FAT3: variants seen among roughly 807,000 people sequenced by gnomAD.
FAT3 encodes FAT atypical cadherin 3, also known as protocadherin Fat 3.
FAT3 carries 95 observed loss-of-function variants against 310.2 expected under a neutral mutation model. The observed-to-expected ratio is 0.31, with a 90% confidence interval of 0.26 to 0.36. The LOEUF is 0.36. Ranked by LOEUF, FAT3 falls within the 10% of genes least tolerant of loss-of-function variation. The pLI, the probability that FAT3 is intolerant of heterozygous loss-of-function variation, is 1.00. For missense variants in FAT3, 5,408 were observed against 5,715.6 expected (o/e 0.95, Z 1.74); for synonymous variants, 2,314 against 2,192.9 (o/e 1.06, Z -1.54).
chr11:92,430,690 G>T (rs1207039067), intron 2 of FAT3, among the ~76,000 whole-genome samples: 1 of 151,966 alleles, frequency 6.6e-6, no homozygotes, highest in Admixed American at 6.6e-5. Flanking sequence ...GCCCTGGTGT[G>T]TGATGTTCCC....
intron 2 of FAT3, among the ~76,000 whole-genome samples, chr11:92,420,668 A>G (rs549599392): frequency 1.4e-4 from 21 of 152,210 alleles, no homozygotes; most frequent in Non-Finnish European, 2.4e-4. Context: ...TTCCAGGACT[A>G]TGGCATCTTG....
At chr11:92,302,139 G>A (rs1156931322) in intron 1 of FAT3, among the ~76,000 whole-genome samples, 1 of 152,072 alleles carries the variant, frequency 6.6e-6, no homozygotes, top group African/African-American at 2.4e-5. Context: ...ACCATAAGGA[G>A]CACATGGTTG....
At chr11:92,430,169 G>C (rs1380676241) in intron 2 of FAT3, among the ~76,000 whole-genome samples, 1 of 152,090 alleles carries the variant, frequency 6.6e-6, no homozygotes, top group Non-Finnish European at 1.5e-5. Flanking sequence ...GATCAATTCA[G>C]CTATTGATAC....
intron 2 of FAT3, among the ~76,000 whole-genome samples, chr11:92,482,030 G>T (rs1952239718): frequency 6.6e-6 from 1 of 151,932 alleles, no homozygotes; most frequent in South Asian, 2.1e-4. Context: ...CATTTAACTT[G>T]CTTACCTAGA....
At chr11:92,872,562 G>T (rs1213926919) in intron 22 of FAT3, among the ~76,000 whole-genome samples, 2 of 152,144 alleles carry the variant, frequency 1.3e-5, no homozygotes, top group Non-Finnish European at 2.9e-5. Context: ...AAAACCTCAT[G>T]GTAACAGCAT....
chr11:92,640,963 T>A (rs1262737003), intron 3 of FAT3, among the ~76,000 whole-genome samples: 4 of 152,082 alleles, frequency 2.6e-5, no homozygotes, highest in African/African-American at 9.7e-5. Flanking sequence ...TCCCAGCACT[T>A]TGGAAGGTGG....
intron 4 of FAT3, among the ~76,000 whole-genome samples, chr11:92,716,577 G>A (rs1277345989): frequency 1.3e-5 from 2 of 152,140 alleles, no homozygotes; most frequent in African/African-American, 4.8e-5. Flanking sequence ...TCTTAACTCT[G>A]CCTGTTGAAG....
chr11:92,286,773 G>A lies in FAT3; in HGVS notation c.-18+61599G>A, dbSNP rs550931915. Among the ~76,000 whole-genome samples the A allele has an allele frequency of 7.9e-5, 12 of 151,704 alleles. No individual in the cohort carries two copies. In the South Asian group the frequency reaches 2.3e-3, roughly 30 times the overall value. On this transcript the variant is annotated intron_variant, in intron 1 of 27. Coordinates refer to ENST00000525166, the MANE Select transcript of FAT3 (RefSeq NM_001367949.2). ...ATTAACGCTTGTGGCATCTGTTAGA[G>A]AAAAGCGACTCCTGGTAGTTTAGAC...
In FAT3 at chr11:92,801,705, C is replaced by A. The variant is rs1019920427; in HGVS notation, c.8692C>A (p.Leu2898Ile). ...TFTFSVVASD[L>I]GEAFSLSSTA... ...CACCTTCTCTGTGGTGGCCTCTGAC[C>A]TTGGAGAGGCATTCTCTCTTTCCTC... The change falls in exon 10 of 28, where the codon CTT (leucine) becomes ATT (isoleucine). Residue 2898 changes from leucine (L) to isoleucine (I), a missense_variant. By Grantham distance (5) the Leu-to-Ile change is conservative (BLOSUM62 2). Around this residue, in one of 5 missense-constraint regions of FAT3, gnomAD observed 4,588 missense variants for 4,809.8 expected, o/e 0.95. Coordinates refer to ENST00000525166, the MANE Select transcript of FAT3 (RefSeq NM_001367949.2). The A allele has an allele frequency of 6.2e-7, 1 of 1,613,788 alleles. No individual in the cohort carries two copies. Among genetic ancestry groups the A allele is most frequent in the African/African-American group, 1.3e-5 (1 of 74,898 alleles).
At chr11:92,564,492 A>G (rs1292441090) in intron 3 of FAT3, among the ~76,000 whole-genome samples, 2 of 151,516 alleles carry the variant, frequency 1.3e-5, no homozygotes, top group Admixed American at 6.6e-5. Flanking sequence ...ACAGAAAGTC[A>G]ACAAGGATAC....
chr11:92,542,488 A>G (rs1461075453), intron 3 of FAT3, among the ~76,000 whole-genome samples: 3 of 152,000 alleles, frequency 2.0e-5, no homozygotes. Context: ...TCAACAGCAA[A>G]AAAAAAAGAC....
chr11:92,795,437 C>T (rs1167397343), intron 9 of FAT3, among the ~76,000 whole-genome samples: 1 of 151,686 alleles, frequency 6.6e-6, no homozygotes, highest in Non-Finnish European at 1.5e-5. Context: ...AAACAGAGGC[C>T]AATTTTTCAG....
At chr11:92,321,630 T>C (rs1947622829) in intron 1 of FAT3, among the ~76,000 whole-genome samples, 1 of 152,164 alleles carries the variant, frequency 6.6e-6, no homozygotes, top group Non-Finnish European at 1.5e-5. Context: ...GGTTTGCCTT[T>C]CTCTTCATAA....
intron 1 of FAT3, among the ~76,000 whole-genome samples, chr11:92,314,654 G>C (rs898371406): frequency 3.3e-5 from 5 of 152,124 alleles, no homozygotes; most frequent in African/African-American, 1.2e-4. Flanking sequence ...CACTGAACTT[G>C]CCTTCCAGAA....
chr11:92,665,191 C>T (rs1942911861), intron 3 of FAT3, among the ~76,000 whole-genome samples: 1 of 152,154 alleles, frequency 6.6e-6, no homozygotes, highest in Non-Finnish European at 1.5e-5. Context: ...CCTTCAGAAC[C>T]TCCCACAAAT....
At chr11:92,289,550 C>T (rs1381497343) in intron 1 of FAT3, among the ~76,000 whole-genome samples, 2 of 149,202 alleles carry the variant, frequency 1.3e-5, no homozygotes, top group African/African-American at 2.5e-5. Context: ...TATATGTGCA[C>T]ATTTTACATA....
At chr11:92,439,514 G>C (rs994124822) in intron 2 of FAT3, among the ~76,000 whole-genome samples, 5 of 152,144 alleles carry the variant, frequency 3.3e-5, no homozygotes, top group African/African-American at 9.7e-5. Flanking sequence ...TTGCTCTGGT[G>C]AATGCAAGAA....
intron 3 of FAT3, among the ~76,000 whole-genome samples, chr11:92,647,891 A>G (rs1188602218): frequency 2.0e-5 from 3 of 152,152 alleles, no homozygotes; most frequent in Non-Finnish European, 4.4e-5. Flanking sequence ...ACAGGAAATT[A>G]TCAAGCAGAA....
intron 2 of FAT3, among the ~76,000 whole-genome samples, chr11:92,396,301 A>C (rs1949867369): frequency 6.6e-6 from 1 of 152,156 alleles, no homozygotes; most frequent in Non-Finnish European, 1.5e-5. Context: ...TTAAAGTGTA[A>C]CTAGTCCCAA....
Sources: allele counts gnomAD v4.1 joint callset (sites outside exome capture counted in the v4.1 genomes callset), GRCh38; gene constraint gnomAD v4.1.1; regional missense constraint gnomAD v4.1.1; transcripts MANE v1.5; gene names NCBI Gene and HGNC (gene_info 2026-07-23, HGNC 2026-07-21).